The following IMMP2L variants were observed in gnomAD, a reference collection of about 807,000 sequenced individuals.
The protein encoded by IMMP2L is mitochondrial inner membrane protease subunit 2.
Under a neutral mutation model 19.3 loss-of-function variants are expected in IMMP2L, and 18 were observed. The observed-to-expected ratio is 0.93, with a 90% confidence interval of 0.64 to 1.38. The LOEUF (loss-of-function observed/expected upper bound fraction) is 1.38. Among genes scored for constraint, IMMP2L ranks in the 40% most tolerant of loss-of-function variants. The pLI, the probability that IMMP2L is intolerant of heterozygous loss-of-function variation, is 0.00. For synonymous variants in IMMP2L, 76 were observed against 73.0 expected (o/e 1.04, Z -0.21); for missense variants, 233 against 218.2 (o/e 1.07, Z -0.43).
chr7:111,021,701 G>T (rs556976496), intron 3 of IMMP2L, among the ~76,000 whole-genome samples: 3 of 152,200 alleles, frequency 2.0e-5, no homozygotes, highest in Non-Finnish European at 4.4e-5. Context: ...GGGCCAACAT[G>T]GTGAAACACC....
At chr7:111,500,324 G>A (rs1445323624) in intron 2 of IMMP2L, among the ~76,000 whole-genome samples, 1 of 152,168 alleles carries the variant, frequency 6.6e-6, no homozygotes, top group Non-Finnish European at 1.5e-5. Flanking sequence ...GAACTACGCG[G>A]AGACTACCAC....
Position 111,410,140 on chromosome 7 carries a change from G to C in IMMP2L, c.239+77098C>G, listed in dbSNP as rs142934727. Among the ~76,000 whole-genome samples the C allele has an allele frequency of 1.7e-3, 261 of 151,852 alleles. 1 individual carries two copies. The highest frequency in any genetic ancestry group is 5.7e-3 in the African/African-American group (237 of 41,260). On this transcript the variant is annotated intron_variant, in intron 3 of 5. Transcript: ENST00000405709. ...CCAAGCAGCCAAGTGAAAAATAGCA[G>C]GAAAAGATCAATTTCAGGGGAGTTA...
At chr7:111,326,308 A>T (rs912939889) in intron 3 of IMMP2L, among the ~76,000 whole-genome samples, 3 of 151,864 alleles carry the variant, frequency 2.0e-5, no homozygotes, top group Admixed American at 1.3e-4. Flanking sequence ...TTAAATTTTT[A>T]AAATTTTCTC....
chr7:111,004,979 AG>A (rs1375894114), intron 3 of IMMP2L, among the ~76,000 whole-genome samples: 1 of 152,194 alleles, frequency 6.6e-6, no homozygotes, highest in African/African-American at 2.4e-5. Context: ...AATCTGTCCC[AG>A]GTTGCTATAA....
At chr7:111,032,240 C>T (rs899116943) in intron 3 of IMMP2L, among the ~76,000 whole-genome samples, 6 of 152,152 alleles carry the variant, frequency 3.9e-5, no homozygotes, top group African/African-American at 1.4e-4. Context: ...CGCATCTGAC[C>T]TGGACCATTA....
chr7:111,096,163 G>T (rs752805576), intron 3 of IMMP2L, among the ~76,000 whole-genome samples: 1 of 151,872 alleles, frequency 6.6e-6, no homozygotes, highest in Non-Finnish European at 1.5e-5. Context: ...CAATTACTTT[G>T]CTCCTCACAA....
intron 2 of IMMP2L, among the ~76,000 whole-genome samples, chr7:111,500,902 A>C (rs1844160408): frequency 6.6e-6 from 1 of 152,184 alleles, no homozygotes; most frequent in South Asian, 2.1e-4. Flanking sequence ...TGGAAACTCT[A>C]AAAAGCAGAG....
At chr7:111,480,460 C>G (rs1842082725) in intron 3 of IMMP2L, among the ~76,000 whole-genome samples, 1 of 151,664 alleles carries the variant, frequency 6.6e-6, no homozygotes, top group South Asian at 2.1e-4. Context: ...AATAATAATA[C>G]CTATACTATC....
At chr7:111,153,867 T>G (rs2129603782) in intron 3 of IMMP2L, among the ~76,000 whole-genome samples, 1 of 152,200 alleles carries the variant, frequency 6.6e-6, no homozygotes, top group East Asian at 1.9e-4. Context: ...CAGAGACTTT[T>G]TCTCCCTAAC....
At chr7:111,266,562 A>C (rs907101817) in intron 3 of IMMP2L, among the ~76,000 whole-genome samples, 2 of 149,844 alleles carry the variant, frequency 1.3e-5, no homozygotes, top group East Asian at 3.9e-4. Context: ...AAAAAAAAAA[A>C]GGGATCTAGG....
At chr7:111,340,467 T>C (rs1374478749) in intron 3 of IMMP2L, among the ~76,000 whole-genome samples, 4 of 152,100 alleles carry the variant, frequency 2.6e-5, no homozygotes, top group Non-Finnish European at 5.9e-5. Flanking sequence ...ATGATCCCTA[T>C]TTCCTCAAAA....
At chr7:110,776,524 C>T (rs1336519313) in intron 5 of IMMP2L, among the ~76,000 whole-genome samples, 23 of 152,002 alleles carry the variant, frequency 1.5e-4, no homozygotes, top group Admixed American at 1.5e-3. Context: ...ACTGTTGCAT[C>T]TTCTAGGGAG....
At chr7:110,684,093 T>C (rs1792935016) in intron 5 of IMMP2L, among the ~76,000 whole-genome samples, 3 of 152,114 alleles carry the variant, frequency 2.0e-5, no homozygotes, top group African/African-American at 7.2e-5. Flanking sequence ...TTATTTAAAG[T>C]TGAAATTTAT....
intron 5 of IMMP2L, among the ~76,000 whole-genome samples, chr7:110,819,961 T>G (rs987260142): frequency 6.6e-6 from 1 of 152,120 alleles, no homozygotes; most frequent in Admixed American, 6.6e-5. Flanking sequence ...TTATTTAATT[T>G]TCCATATTTA....
chr7:111,553,951 C>T (rs185810226), intron 1 of IMMP2L, among the ~76,000 whole-genome samples: 19 of 152,212 alleles, frequency 1.2e-4, no homozygotes, highest in Non-Finnish European at 2.1e-4. Context: ...GTAGGCAGGA[C>T]GGGTATACTA....
At chr7:111,297,019 C>T (rs1821708111) in intron 3 of IMMP2L, among the ~76,000 whole-genome samples, 1 of 151,738 alleles carries the variant, frequency 6.6e-6, no homozygotes, top group Non-Finnish European at 1.5e-5. Flanking sequence ...TTAGTGGTTG[C>T]CAAGGGCCCA....
chr7:111,502,974 G>A (rs1268977602), intron 2 of IMMP2L, among the ~76,000 whole-genome samples: 2 of 150,520 alleles, frequency 1.3e-5, no homozygotes, highest in African/African-American at 2.4e-5. Flanking sequence ...TAAAATCAGA[G>A]CAGAACTGAA....
chr7:110,667,789 G>C (rs1298920739), intron 5 of IMMP2L, among the ~76,000 whole-genome samples: 1 of 152,182 alleles, frequency 6.6e-6, no homozygotes, highest in Non-Finnish European at 1.5e-5. Flanking sequence ...TATTTGTGCT[G>C]TTGTAAGGAG....
chr7:111,173,286 T>A (rs1806656355), intron 3 of IMMP2L, among the ~76,000 whole-genome samples: 1 of 151,614 alleles, frequency 6.6e-6, no homozygotes, highest in African/African-American at 2.4e-5. Flanking sequence ...TTCTGATAAA[T>A]TAATTTCCTA....
Sources: gnomAD v4.1 joint callset for allele counts (sites outside exome capture counted in the v4.1 genomes callset) on GRCh38, gnomAD v4.1.1 for gene constraint, MANE v1.5 for transcripts, NCBI Gene and HGNC (gene_info 2026-07-23, HGNC 2026-07-21) for gene names.